Variants in TENM3 observed in about 807,000 individuals in gnomAD.
TENM3 encodes the protein teneurin transmembrane protein 3, also known as teneurin-3.
A neutral mutation model predicts 255.1 loss-of-function variants in TENM3; 63 were observed. The ratio of observed to expected loss-of-function variants is 0.25; its 90% CI spans 0.20 to 0.30. TENM3 has a LOEUF of 0.30. Among genes scored for constraint, TENM3 ranks in the 10% least tolerant of loss-of-function variants. The probability of loss-of-function intolerance (pLI) is 1.00; values close to 1 mark genes in which losing one functional copy is unlikely to be tolerated. For missense variants in TENM3, 2,929 were observed against 3,461.1 expected (o/e 0.85, Z 3.86); for synonymous variants, 1,306 against 1,322.3 (o/e 0.99, Z 0.27).
chr4:181,888,591 C>CGTGTGTGT, the TENM3 span, among the ~76,000 whole-genome samples: 2,139 of 90,102 alleles, frequency 0.024, 74 homozygotes, highest in African/African-American at 0.05. Flanking sequence ...TATATATATG[C>CGTGTGTGT]GTGTGTGTGT....
intron 22 of TENM3, among the ~76,000 whole-genome samples, chr4:182,755,913 G>C (rs543066449): frequency 6.6e-6 from 1 of 152,300 alleles, no homozygotes; most frequent in South Asian, 2.1e-4. Context: ...GCCTTGGAAA[G>C]GGAAGGGACT....
chr4:181,878,822 T>TCTAC, the TENM3 span, among the ~76,000 whole-genome samples: 7 of 152,290 alleles, frequency 4.6e-5, no homozygotes, highest in South Asian at 6.2e-4. Context: ...TGTGTGTCTA[T>TCTAC]CTACCTACCT....
At position 182,688,176 on chromosome 4, in the gene TENM3, T is replaced by C. The variant is rs1177513344; in HGVS notation, c.2046T>C (p.Ser682=). The part of the protein sequence containing the change: ...TGPDCSNEIC[S]VDCGSHGVCM... ...CTTCCTCCCACATAGAAATATGTTC[T>C]GTGGACTGTGGCTCACACGGCGTTT... is the stretch of plus-strand genomic sequence containing the variant. The change falls in exon 12 of 28, where the codon TCT becomes TCC. Residue 682 remains serine (S), a synonymous_variant. Coordinates refer to ENST00000511685, the MANE Select transcript of TENM3 (RefSeq NM_001080477.4). 1 of 1,610,040 alleles carries C rather than the reference T, an allele frequency of 6.2e-7. No individual in the cohort carries two copies. Among genetic ancestry groups the C allele is most frequent in the East Asian group, 2.2e-5 (1 of 44,614 alleles).
At chr4:181,692,503 A>G in the TENM3 span, among the ~76,000 whole-genome samples, 1 of 152,184 alleles carries the variant, frequency 6.6e-6, no homozygotes, top group Non-Finnish European at 1.5e-5. Context: ...AAGGTTCCTC[A>G]CTTATGTTTC....
At chr4:182,699,061 G>A (rs1374485272) in intron 12 of TENM3, among the ~76,000 whole-genome samples, 3 of 152,180 alleles carry the variant, frequency 2.0e-5, no homozygotes, top group Non-Finnish European at 2.9e-5. Context: ...TACTCTTCAC[G>A]TCCTTGTTTA....
the TENM3 span, among the ~76,000 whole-genome samples, chr4:182,115,879 G>A: frequency 1.1e-3 from 162 of 149,136 alleles, no homozygotes; most frequent in African/African-American, 3.5e-3. Context: ...CACCAGTTAC[G>A]TTTTTTAAAA....
the TENM3 span, among the ~76,000 whole-genome samples, chr4:181,842,056 G>T: frequency 9.0e-5 from 9 of 99,672 alleles, no homozygotes; most frequent in African/African-American, 2.6e-4. Flanking sequence ...TTTCTGAGTT[G>T]AAGACTGATT....
chr4:182,434,867 C>A (rs1197467042), intron 3 of TENM3, among the ~76,000 whole-genome samples: 1 of 152,058 alleles, frequency 6.6e-6, no homozygotes, highest in East Asian at 1.9e-4. Flanking sequence ...CTAGGCTGGA[C>A]CTCTACGGAG....
At chr4:182,487,474 C>T (rs545722600) in intron 3 of TENM3, among the ~76,000 whole-genome samples, 5 of 152,024 alleles carry the variant, frequency 3.3e-5, no homozygotes, top group South Asian at 2.1e-4. Context: ...TTGGTTAGGG[C>T]GGTAGAATTA....
chr4:182,199,720 C>CTTTTCT (rs1754060730), intron 1 of TENM3, among the ~76,000 whole-genome samples: 1 of 104,854 alleles, frequency 9.5e-6, no homozygotes, highest in African/African-American at 3.8e-5. Flanking sequence ...AACATCATTG[C>CTTTTCT]TTTTTTTTTT....
At chr4:181,922,022 A>G in the TENM3 span, among the ~76,000 whole-genome samples, 1 of 152,112 alleles carries the variant, frequency 6.6e-6, no homozygotes, top group Non-Finnish European at 1.5e-5. Flanking sequence ...TTCTGTTTAT[A>G]TGCTGGATTA....
chr4:181,751,758 T>C, the TENM3 span, among the ~76,000 whole-genome samples: 3 of 152,122 alleles, frequency 2.0e-5, no homozygotes, highest in African/African-American at 4.8e-5. Context: ...CCAAGTTTAG[T>C]TTTTTTCCAC....
the TENM3 span, among the ~76,000 whole-genome samples, chr4:181,909,580 G>C: frequency 6.6e-6 from 1 of 152,102 alleles, no homozygotes; most frequent in Non-Finnish European, 1.5e-5. Context: ...CCTCAGCACA[G>C]CTGGGGAGAA....
At chr4:181,610,197 G>T in the TENM3 span, among the ~76,000 whole-genome samples, 1 of 152,090 alleles carries the variant, frequency 6.6e-6, no homozygotes, top group African/African-American at 2.4e-5. Flanking sequence ...TGACTGATAA[G>T]TTGTCTCTAC....
the TENM3 span, among the ~76,000 whole-genome samples, chr4:181,561,955 G>T: frequency 6.6e-6 from 1 of 152,084 alleles, no homozygotes; most frequent in African/African-American, 2.4e-5. Flanking sequence ...TGCGAATTGT[G>T]GGTGTTTTCT....
chr4:182,025,308 G>A, the TENM3 span, among the ~76,000 whole-genome samples: 4 of 152,110 alleles, frequency 2.6e-5, no homozygotes, highest in Non-Finnish European at 5.9e-5. Flanking sequence ...GATTACAGGC[G>A]TGAGCCACCA....
chr4:182,407,900 A>G (rs1769695704), intron 3 of TENM3, among the ~76,000 whole-genome samples: 2 of 152,252 alleles, frequency 1.3e-5, no homozygotes, highest in South Asian at 4.1e-4. Context: ...TGGCAATACC[A>G]ATGCATTGAA....
chr4:182,098,820 G>A, the TENM3 span, among the ~76,000 whole-genome samples: 1 of 152,144 alleles, frequency 6.6e-6, no homozygotes, highest in South Asian at 2.1e-4. Context: ...TAGAAGAATA[G>A]AATTGGAATG....
In TENM3 at chr4:182,587,226, A is replaced by T. The variant is rs140447288; in HGVS notation, c.512-13698A>T. On this transcript the variant is annotated intron_variant, in intron 3 of 27. Transcript: ENST00000511685. ...CCATCTCAGCCTCCCAAGTATTAAT[A>T]GTTGGAACTACAGGCACATACCACC... Among the ~76,000 whole-genome samples the T allele has an allele frequency of 2.7e-3, 408 of 152,070 alleles. 1 individual carries two copies. The highest frequency in any genetic ancestry group is 9.0e-3 in the African/African-American group (375 of 41,472).
Sources: gnomAD v4.1 joint callset for allele counts (sites outside exome capture counted in the v4.1 genomes callset) on GRCh38, gnomAD v4.1.1 for gene constraint, MANE v1.5 for transcripts, NCBI Gene and HGNC (gene_info 2026-07-23, HGNC 2026-07-21) for gene names.